DSG1: variants seen among roughly 807,000 people sequenced by gnomAD.
DSG1 encodes desmoglein 1.
DSG1 carries 39 observed loss-of-function variants against 97.5 expected under a neutral mutation model. The ratio of observed to expected loss-of-function variants is 0.40; its 90% confidence interval spans 0.31 to 0.52. DSG1 has a LOEUF of 0.52. DSG1 is among the 20% of genes least tolerant of loss of function. The probability of loss-of-function intolerance (pLI) is 0.53; values close to 1 mark genes in which losing one functional copy is unlikely to be tolerated. For synonymous variants in DSG1, 475 were observed against 443.4 expected (o/e 1.07, Z -0.90); for missense variants, 1,311 against 1,295.4 (o/e 1.01, Z -0.18).
chr18:31,351,816 G>C (rs908882491), intron 14 of DSG1, among the ~76,000 whole-genome samples: 26 of 152,008 alleles, frequency 1.7e-4, no homozygotes, highest in African/African-American at 6.0e-4. Flanking sequence ...GTTTTCCATT[G>C]GCTGGGTAGA....
chr18:31,329,772 C>T (rs1287084468), intron 4 of DSG1, 120 bp from the exon 5 acceptor site: 2 of 1,276,588 alleles, frequency 1.6e-6, no homozygotes, highest in African/African-American at 2.9e-5. Flanking sequence ...AGGGCTTGTG[C>T]CTATGTTCTA....
At chr18:31,351,678 G>A (rs1341172488) in intron 14 of DSG1, among the ~76,000 whole-genome samples, 1 of 150,922 alleles carries the variant, frequency 6.6e-6, no homozygotes, top group Non-Finnish European at 1.5e-5. Flanking sequence ...ATATATTTAG[G>A]ATAGTTAGCT....
chr18:31,355,862 C>T lies in DSG1; in HGVS notation c.*516C>T, dbSNP rs1048739866. Reference sequence around the variant, plus strand: ...AAGTTTGACTACATAGTCAAGTCCACAAGCCATCAAGCACTCCTACCTTAA... The same window carrying T: ...AAGTTTGACTACATAGTCAAGTCCATAAGCCATCAAGCACTCCTACCTTAA... On this transcript the variant is annotated 3_prime_UTR_variant, in exon 15 of 15. Coordinates refer to ENST00000257192, the MANE Select transcript of DSG1 (RefSeq NM_001942.4). The T allele has an allele frequency of 1.9e-5, 3 of 158,266 alleles. No individual in the cohort carries two copies. Among genetic ancestry groups the T allele is most frequent in the Non-Finnish European group, 4.2e-5 (3 of 71,644 alleles). 9.8% of individuals were successfully genotyped at this position (158,266 alleles called of 1,614,324 possible).
chr18:31,351,352 G>A (rs1291855742), intron 14 of DSG1, among the ~76,000 whole-genome samples: 14 of 146,626 alleles, frequency 9.5e-5, no homozygotes, highest in South Asian at 2.2e-4. Flanking sequence ...TATAATTTCC[G>A]TTCTTTTACA....
Position 31,318,286 on chromosome 18 carries a change from G to A in DSG1, c.-15G>A, listed in dbSNP as rs1468321898. On this transcript the variant is annotated 5_prime_UTR_variant, in exon 1 of 15. Transcript: ENST00000257192. ...AAAACTCCCTTGGTCTTGGATGTAA[G>A]AGAATCCAGCAGAGATGGACTGGAG... 1.2e-6 allele frequency: 2 copies of A among 1,611,846 alleles called. No individual in the cohort carries two copies. Among genetic ancestry groups the A allele is most frequent in the African/African-American group, 1.3e-5 (1 of 74,884 alleles).
intron 4 of DSG1, among the ~76,000 whole-genome samples, chr18:31,328,589 G>C (rs1207654529): frequency 1.3e-5 from 2 of 152,062 alleles, no homozygotes; most frequent in African/African-American, 4.8e-5. Flanking sequence ...TAGAGTATTT[G>C]TTTGGAAGGA....
intron 14 of DSG1, among the ~76,000 whole-genome samples, chr18:31,350,853 C>T (rs1374283947): frequency 6.6e-6 from 1 of 151,046 alleles, no homozygotes; most frequent in African/African-American, 2.5e-5. Flanking sequence ...TTTGATTCTT[C>T]TCTCTTTTTT....
chr18:31,331,950 A>G (rs1438681718), intron 6 of DSG1, 83 bp downstream of exon 6: 5 of 1,352,216 alleles, frequency 3.7e-6, no homozygotes, highest in African/African-American at 2.9e-5. Flanking sequence ...AAAGAGATGA[A>G]GAAAATGATG....
chr18:31,318,455 A>C, intron 1 of DSG1, 107 bp downstream of exon 1: 1 of 855,434 alleles, frequency 1.2e-6, no homozygotes, highest in Non-Finnish European at 2.0e-6. Context: ...ACCCATTGAA[A>C]ATGTATATTA....
intron 14 of DSG1, 131 bp downstream of exon 14, chr18:31,346,329 C>T (rs2071835934): frequency 1.3e-6 from 1 of 789,010 alleles, no homozygotes; most frequent in African/African-American, 1.7e-5. Context: ...TTTTTGTGCC[C>T]AACAATCCAT....
At position 31,338,242 on chromosome 18, in the gene DSG1, C is replaced by A. The variant is rs9946397; in HGVS notation, c.1266-73C>A. 5.9e-3 allele frequency: 7,141 copies of A among 1,204,218 alleles called. 290 individuals carry two copies. In the African/African-American group the frequency reaches 0.23, roughly 38 times the overall value. The allele number at this position is 1,204,218 out of a possible 1,614,324, so 74.6% of individuals were successfully genotyped here. ...GATTATAATTACTCACTGAAAAAAA[C>A]AATACATTTTAAATTAAAATTTCTT... is the stretch of plus-strand genomic sequence containing the variant. On this transcript the variant is annotated intron_variant, in intron 9 of 14. Transcript: ENST00000257192.
chr18:31,357,596 G>A lies in DSG1; in HGVS notation c.*2250G>A, dbSNP rs1009449304. ...TTGTCTTGCAAACAACAAAATCACT[G>A]TCTTTAATAACTGTTGCTGTCAAAA... On this transcript the variant is annotated 3_prime_UTR_variant, in exon 15 of 15. Coordinates refer to ENST00000257192, the MANE Select transcript of DSG1 (RefSeq NM_001942.4). 6.6e-6 allele frequency among the ~76,000 whole-genome samples: 1 copy of A among 151,890 alleles called. No homozygotes were observed. The highest frequency in any genetic ancestry group is 1.5e-5 in the Non-Finnish European group (1 of 67,898).
rs1311042249 is a variant in DSG1 at position 31,358,785 on chromosome 18, T to G, written c.*3439T>G. On this transcript the variant is annotated 3_prime_UTR_variant, in exon 15 of 15. Coordinates refer to ENST00000257192, the MANE Select transcript of DSG1 (RefSeq NM_001942.4). ...ACTTTTTTTTTTACAATTTCTGGAT[T>G]TTTAAGACCCATTTCACATTGCACT... 6.6e-6 allele frequency among the ~76,000 whole-genome samples: 1 copy of G among 152,070 alleles called. No individual in the cohort carries two copies. Among genetic ancestry groups the G allele is most frequent in the East Asian group, 1.9e-4 (1 of 5,196 alleles).
intron 5 of DSG1, among the ~76,000 whole-genome samples, chr18:31,331,048 T>C (rs1227438561): frequency 1.3e-5 from 2 of 152,046 alleles, no homozygotes. Flanking sequence ...TCTCCAATAA[T>C]CTAATAATCT....
intron 14 of DSG1, among the ~76,000 whole-genome samples, chr18:31,351,864 T>C (rs2071899890): frequency 6.6e-6 from 1 of 152,134 alleles, no homozygotes; most frequent in Non-Finnish European, 1.5e-5. Flanking sequence ...TATGTGTGTC[T>C]CTGCACGTGA....
chr18:31,346,416 A>G (rs2071837538), intron 14 of DSG1, among the ~76,000 whole-genome samples: 1 of 152,186 alleles, frequency 6.6e-6, no homozygotes, highest in African/African-American at 2.4e-5. Context: ...AATGGCTCCC[A>G]GCTCTCTTTT....
intron 9 of DSG1, 146 bp from the exon 10 acceptor site, chr18:31,338,169 T>G: frequency 1.2e-6 from 1 of 832,794 alleles, no homozygotes; most frequent in South Asian, 1.7e-5. Flanking sequence ...TTGCTAAGAC[T>G]GCCCTGAAAA....
Position 31,326,922 on chromosome 18 carries a change from C to G in DSG1, c.133C>G (p.Arg45Gly). 6.2e-7 allele frequency: 1 copy of G among 1,613,728 alleles called. No individual in the cohort carries two copies. The highest frequency in any genetic ancestry group is 8.5e-7 in the Non-Finnish European group (1 of 1,179,816). The change falls in exon 3 of 15, where the codon CGA becomes GGA. Residue 45 changes from arginine (R) to glycine (G), a missense_variant. Arg to Gly is a moderately radical substitution (Grantham distance 125). Transcript: ENST00000257192. ...KNGTIKWHSI[R>G]RQKREWIKFA... ...TGGCACCATCAAATGGCATTCAATC[C>G]GAAGGCAGAAACGTGAATGGATCAA...
intron 1 of DSG1, among the ~76,000 whole-genome samples, chr18:31,326,337 G>A (rs551819607): frequency 3.2e-4 from 48 of 151,766 alleles, no homozygotes; most frequent in African/African-American, 1.0e-3. Flanking sequence ...TCTTATTTAG[G>A]GAGAAATACA....
Sources: allele counts gnomAD v4.1 joint callset (sites outside exome capture counted in the v4.1 genomes callset), GRCh38; gene constraint gnomAD v4.1.1; transcripts MANE v1.5; gene names NCBI Gene and HGNC (gene_info 2026-07-23, HGNC 2026-07-21).